NCALD: variants seen among roughly 807,000 people sequenced by gnomAD.
NCALD encodes neurocalcin-delta.
In NCALD, 10 loss-of-function variants were observed where a neutral mutation model predicts 18.6. The observed-to-expected ratio is 0.54, with a 90% CI of 0.33 to 0.91. The LOEUF (loss-of-function observed/expected upper bound fraction) is 0.91, where lower values mean the gene tolerates loss of function less well. NCALD is among the 40% of genes least tolerant of loss of function. The pLI is 0.03. For synonymous variants in NCALD, 88 were observed against 87.4 expected (o/e 1.01, Z -0.04); for missense variants, 184 against 247.6 (o/e 0.74, Z 1.72).
At chr8:101,800,271 T>A (rs932199242) in intron 4 of NCALD, among the ~76,000 whole-genome samples, 2 of 152,112 alleles carry the variant, frequency 1.3e-5, no homozygotes, top group Non-Finnish European at 1.5e-5. Flanking sequence ...AAGAGAGGAA[T>A]AGAATTAAAG....
intron 2 of NCALD, among the ~76,000 whole-genome samples, chr8:102,014,077 C>G (rs1167450491): frequency 2.6e-5 from 4 of 152,106 alleles, no homozygotes; most frequent in Non-Finnish European, 5.9e-5. Context: ...TAATCTGAGA[C>G]CAATATGGAG....
intron 1 of NCALD, among the ~76,000 whole-genome samples, chr8:101,741,221 C>T (rs192981675): frequency 9.2e-5 from 14 of 152,326 alleles, no homozygotes; most frequent in East Asian, 5.8e-4. Context: ...GCTGCTGAAT[C>T]GCAAGATGTG....
At chr8:102,092,899 T>C (rs1452805776) in intron 1 of NCALD, among the ~76,000 whole-genome samples, 1 of 152,228 alleles carries the variant, frequency 6.6e-6, no homozygotes, top group African/African-American at 2.4e-5. Flanking sequence ...TTCTTTGACT[T>C]ATGCACCTCT....
At chr8:101,916,858 C>T (rs1236596873) in intron 2 of NCALD, among the ~76,000 whole-genome samples, 1 of 152,096 alleles carries the variant, frequency 6.6e-6, no homozygotes, top group Non-Finnish European at 1.5e-5. Context: ...ATTCATAAAA[C>T]AAGTACTTCT....
At chr8:101,756,583 A>G (rs996456323) in intron 1 of NCALD, among the ~76,000 whole-genome samples, 3 of 152,248 alleles carry the variant, frequency 2.0e-5, no homozygotes, top group South Asian at 2.1e-4. Flanking sequence ...TGGAGATTTC[A>G]GGACAATTAA....
At chr8:102,026,461 G>A (rs1005943298) in intron 1 of NCALD, among the ~76,000 whole-genome samples, 1 of 152,152 alleles carries the variant, frequency 6.6e-6, no homozygotes, top group Non-Finnish European at 1.5e-5. Flanking sequence ...ATCTAACAAG[G>A]CAGTAATTAA....
chr8:101,964,751 T>A (rs1342952431), intron 2 of NCALD, among the ~76,000 whole-genome samples: 2 of 152,256 alleles, frequency 1.3e-5, no homozygotes, highest in East Asian at 3.9e-4. Flanking sequence ...AAATTATCCA[T>A]AAGGACAGTC....
intron 2 of NCALD, among the ~76,000 whole-genome samples, chr8:101,934,551 G>T (rs1160464716): frequency 2.0e-5 from 3 of 152,222 alleles, no homozygotes; most frequent in East Asian, 1.9e-4. Context: ...AGAGAAAATG[G>T]CATCATGGAA....
At chr8:101,784,810 T>C (rs907169636) in intron 1 of NCALD, among the ~76,000 whole-genome samples, 1 of 152,068 alleles carries the variant, frequency 6.6e-6, no homozygotes, top group Non-Finnish European at 1.5e-5. Context: ...AAAAAAAAAT[T>C]TTTTTAATGT....
At chr8:102,106,466 T>TATATATATAC (rs1554598545) in intron 1 of NCALD, among the ~76,000 whole-genome samples, 2 of 139,088 alleles carry the variant, frequency 1.4e-5, no homozygotes, top group South Asian at 2.2e-4. Context: ...TATATATATA[T>TATATATATAC]ACACACACAC....
intron 2 of NCALD, among the ~76,000 whole-genome samples, chr8:102,009,172 G>C (rs1008587852): frequency 6.6e-6 from 1 of 152,180 alleles, no homozygotes; most frequent in African/African-American, 2.4e-5. Context: ...TCAAGCAATA[G>C]AAATTAATGA....
chr8:101,800,553 A>G (rs1231974051), intron 4 of NCALD, among the ~76,000 whole-genome samples: 1 of 151,932 alleles, frequency 6.6e-6, no homozygotes, highest in Admixed American at 6.6e-5. Context: ...ATATAAACTG[A>G]CCAAATATTG....
intron 3 of NCALD, chr8:101,692,246 C>A: frequency 1.0e-6 from 1 of 985,386 alleles, no homozygotes; most frequent in Non-Finnish European, 1.2e-6. Flanking sequence ...GGGTGGGAAC[C>A]TGCTGGGCAC....
intron 4 of NCALD, among the ~76,000 whole-genome samples, chr8:101,855,254 T>C (rs1815263459): frequency 6.6e-6 from 1 of 152,118 alleles, no homozygotes; most frequent in South Asian, 2.1e-4. Context: ...TGCTATTGGA[T>C]AGGACTATAT....
At chr8:102,090,433 C>G (rs959953068) in intron 1 of NCALD, among the ~76,000 whole-genome samples, 3 of 152,140 alleles carry the variant, frequency 2.0e-5, no homozygotes, top group Non-Finnish European at 4.4e-5. Flanking sequence ...ATGCAAGTTT[C>G]TGATAACTTC....
At chr8:101,805,276 G>A (rs1813057892) in intron 4 of NCALD, among the ~76,000 whole-genome samples, 1 of 152,156 alleles carries the variant, frequency 6.6e-6, no homozygotes. Context: ...TTGAGAAGAT[G>A]TGGCCAATAA....
chr8:102,005,948 G>A (rs1821691605), intron 2 of NCALD, among the ~76,000 whole-genome samples: 1 of 151,582 alleles, frequency 6.6e-6, no homozygotes. Context: ...GTTAATGGGT[G>A]CAGCACACCA....
rs34519871 is a variant in NCALD at position 101,802,899 on chromosome 8, C to CAAAAAA, written c.-19-83257_-19-83252dup. Among the ~76,000 whole-genome samples, 8 of 99,558 alleles carry CAAAAAA rather than the reference C, an allele frequency of 8.0e-5. 1 individual carries two copies. Among genetic ancestry groups the CAAAAAA allele is most frequent in the African/African-American group, 2.0e-4 (5 of 24,660 alleles). 65.3% of individuals were successfully genotyped at this position (99,558 alleles called of 152,430 possible). On this transcript the variant is annotated intron_variant, in intron 4 of 6. Coordinates refer to the NCALD transcript ENST00000311028. ...CTTTGCAATAAATCTTGCTGCTGCT[C>CAAAAAA]AAAAAAAAAAAAAAAAAAAAATGCA...
chr8:101,940,069 C>T (rs558212199), intron 2 of NCALD, among the ~76,000 whole-genome samples: 7 of 152,150 alleles, frequency 4.6e-5, no homozygotes, highest in Non-Finnish European at 2.9e-5. Context: ...CATGTATGTT[C>T]TTTTCAAGGT....
Sources: gnomAD v4.1 joint callset for allele counts (sites outside exome capture counted in the v4.1 genomes callset) on GRCh38, gnomAD v4.1.1 for gene constraint, MANE v1.5 for transcripts, NCBI Gene and HGNC (gene_info 2026-07-23, HGNC 2026-07-21) for gene names.